Variants in DENND5B observed in about 807,000 individuals in gnomAD.
DENND5B encodes DENN domain-containing protein 5B.
In DENND5B, 34 loss-of-function variants were observed where a neutral mutation model predicts 140.6. That is an observed-to-expected ratio of 0.24 (90% CI 0.18 to 0.32). The LOEUF (loss-of-function observed/expected upper bound fraction) is 0.32. DENND5B is among the 10% of genes least tolerant of loss of function. The pLI, the probability that DENND5B is intolerant of heterozygous loss-of-function variation, is 1.00. For synonymous variants in DENND5B, 551 were observed against 562.1 expected, an observed-to-expected ratio of 0.98 and a Z score of 0.28; for missense variants, 1,142 against 1,560.2, an observed-to-expected ratio of 0.73 and a Z score of 4.52.
At chr12:31,506,489 G>A (rs1947206794) in intron 1 of DENND5B, 1 of 152,156 alleles carries the variant, frequency 6.6e-6, no homozygotes, top group South Asian at 2.1e-4. Flanking sequence ...TCAACTGAGT[G>A]TACTGCAATC....
intron 1 of DENND5B, among the ~76,000 whole-genome samples, chr12:31,503,192 G>T (rs1947075661): frequency 6.6e-6 from 1 of 152,196 alleles, no homozygotes; most frequent in Admixed American, 6.5e-5. Context: ...AGCTACTCAT[G>T]AGAGGAGGAG....
At chr12:31,494,987 C>A (rs10843959) in intron 2 of DENND5B, among the ~76,000 whole-genome samples, 86,233 of 151,968 alleles carry the variant, frequency 0.57, 24,912 homozygotes, top group East Asian at 0.82. Context: ...TTTTTTGTTC[C>A]AGACACCAAG....
At chr12:31,400,854 T>TTG (rs1555133772) in intron 15 of DENND5B, among the ~76,000 whole-genome samples, 1 of 151,268 alleles carries the variant, frequency 6.6e-6, no homozygotes, top group African/African-American at 2.4e-5. Flanking sequence ...TTTTTTGTTT[T>TTG]TTTTTTAGAC....
chr12:31,470,704 G>C (rs907486563), intron 3 of DENND5B, among the ~76,000 whole-genome samples: 17 of 152,204 alleles, frequency 1.1e-4, no homozygotes, highest in South Asian at 2.1e-4. Flanking sequence ...CATTCAGTTA[G>C]GAATGAATTG....
intron 20 of DENND5B, among the ~76,000 whole-genome samples, chr12:31,388,449 T>C (rs1448718914): frequency 1.3e-5 from 2 of 152,116 alleles, no homozygotes; most frequent in African/African-American, 4.8e-5. Flanking sequence ...ATACAGAACT[T>C]AGTTCTGTAA....
chr12:31,564,930 C>T (rs556974817), intron 1 of DENND5B, among the ~76,000 whole-genome samples: 9 of 152,198 alleles, frequency 5.9e-5, no homozygotes, highest in Non-Finnish European at 1.2e-4. Flanking sequence ...TGTATTATTT[C>T]CTTCAGCGGA....
At chr12:31,499,537 T>C (rs932342279) in intron 1 of DENND5B, 3 of 1,275,802 alleles carry the variant, frequency 2.4e-6, no homozygotes, top group Non-Finnish European at 2.1e-6. Flanking sequence ...GAAACATTTA[T>C]AATGGGCTTG....
chr12:31,512,939 C>G (rs1375149315), intron 1 of DENND5B, among the ~76,000 whole-genome samples: 2 of 152,116 alleles, frequency 1.3e-5, no homozygotes, highest in African/African-American at 4.8e-5. Context: ...TAAACTTTAT[C>G]TAGATTTTCT....
intron 1 of DENND5B, among the ~76,000 whole-genome samples, chr12:31,568,563 G>A (rs1425944206): frequency 6.6e-6 from 1 of 152,206 alleles, no homozygotes; most frequent in Non-Finnish European, 1.5e-5. Context: ...GTGAAGGCTA[G>A]AGGAGGAAAG....
chr12:31,468,822 A>C lies in DENND5B; in HGVS notation c.905-8441T>G, dbSNP rs201488804. Among the ~76,000 whole-genome samples, 174 of 33,486 alleles carry C rather than the reference A, an allele frequency of 5.2e-3. 1 individual carries two copies. Among genetic ancestry groups the C allele is most frequent in the Non-Finnish European group, 7.3e-4 (13 of 17,842 alleles). The allele number at this position is 33,486 out of a possible 152,430, so 22.0% of individuals were successfully genotyped here. ...GTGAGGCCCTGTCTCAAAAAACCAA[A>C]CAAACAAAAGGAAGTAATATAATTG... On this transcript the variant is annotated intron_variant, in intron 3 of 20. Transcript: ENST00000389082.
chr12:31,568,998 CCTTAGCCTCCCAG>C (rs1949723392), intron 1 of DENND5B, among the ~76,000 whole-genome samples: 1 of 151,610 alleles, frequency 6.6e-6, no homozygotes, highest in African/African-American at 2.4e-5. Context: ...AATCCTCCCA[CCTTAGCCTCCCAG>C]GTAGCTAGGG....
chr12:31,455,605 A>T (rs960369797), intron 4 of DENND5B, among the ~76,000 whole-genome samples: 1 of 152,230 alleles, frequency 6.6e-6, no homozygotes, highest in East Asian at 1.9e-4. Flanking sequence ...AGAAGAGCTC[A>T]ATAAGTATTA....
intron 16 of DENND5B, among the ~76,000 whole-genome samples, chr12:31,399,284 T>C (rs1046384366): frequency 7.2e-6 from 1 of 139,544 alleles, no homozygotes; most frequent in Non-Finnish European, 1.6e-5. Context: ...TCTTTTTTTT[T>C]TTTTTTTTTT....
intron 1 of DENND5B, among the ~76,000 whole-genome samples, chr12:31,529,192 G>A (rs1417049014): frequency 2.7e-5 from 4 of 150,554 alleles, no homozygotes; most frequent in African/African-American, 9.7e-5. Context: ...AAGAAAAAAG[G>A]CATGAGGTAT....
intron 6 of DENND5B, among the ~76,000 whole-genome samples, chr12:31,446,895 A>AAAAAAAG (rs1944300222): frequency 1.3e-5 from 2 of 151,628 alleles, no homozygotes; most frequent in African/African-American, 4.9e-5. Context: ...TCAAAAAAAA[A>AAAAAAAG]AAAAAGAAAA....
intron 1 of DENND5B, among the ~76,000 whole-genome samples, chr12:31,516,026 T>A (rs1012619483): frequency 1.3e-5 from 2 of 152,248 alleles, no homozygotes; most frequent in African/African-American, 4.8e-5. Flanking sequence ...TGATTACACT[T>A]ATCTTGCACG....
At chr12:31,547,469 G>A (rs1343790708) in intron 1 of DENND5B, among the ~76,000 whole-genome samples, 1 of 152,116 alleles carries the variant, frequency 6.6e-6, no homozygotes, top group Non-Finnish European at 1.5e-5. Flanking sequence ...CACAATCTTG[G>A]CTCACTGCAA....
chr12:31,540,252 T>C (rs1592008655), intron 1 of DENND5B, among the ~76,000 whole-genome samples: 1 of 152,172 alleles, frequency 6.6e-6, no homozygotes, highest in East Asian at 1.9e-4. Context: ...TCCATATTCA[T>C]GGGTTGGAAA....
chr12:31,423,580 T>C lies in DENND5B; in HGVS notation c.2470+17A>G, dbSNP rs1356447623. On this transcript the variant is annotated intron_variant, in intron 11 of 20. Coordinates refer to ENST00000389082, the MANE Select transcript of DENND5B (RefSeq NM_144973.4). Reference sequence around the variant, plus strand: ...TCAGAGTCCAGTGCTGCTAGTTCTTTACCAATGATGTCATACCTGGTGATT... The same window carrying C: ...TCAGAGTCCAGTGCTGCTAGTTCTTCACCAATGATGTCATACCTGGTGATT... The C allele has an allele frequency of 1.9e-6, 3 of 1,613,238 alleles. No individual in the cohort carries two copies. Among genetic ancestry groups the C allele is most frequent in the Non-Finnish European group, 2.5e-6 (3 of 1,179,314 alleles).
Sources: allele counts gnomAD v4.1 joint callset (sites outside exome capture counted in the v4.1 genomes callset), GRCh38; gene constraint gnomAD v4.1.1; transcripts MANE v1.5; gene names NCBI Gene and HGNC (gene_info 2026-07-23, HGNC 2026-07-21).